TIAM1: variants seen among roughly 807,000 people sequenced by gnomAD.
The protein encoded by TIAM1 is rho guanine nucleotide exchange factor TIAM1.
In TIAM1, 65 loss-of-function variants were observed where a neutral mutation model predicts 163.5. The ratio of observed to expected loss-of-function variants is 0.40; its 90% CI spans 0.33 to 0.49. The LOEUF (loss-of-function observed/expected upper bound fraction) is 0.49, where lower values mean the gene tolerates loss of function less well. TIAM1 is among the 20% of genes least tolerant of loss of function. The probability of loss-of-function intolerance (pLI) is 0.77; values close to 1 mark genes in which losing one functional copy is unlikely to be tolerated. For synonymous variants in TIAM1, 833 were observed against 810.1 expected (o/e 1.03, Z -0.48); for missense variants, 1,789 against 2,044.7 (o/e 0.87, Z 2.41).
chr21:31,514,326 C>T (rs958412883), intron 1 of TIAM1, among the ~76,000 whole-genome samples: 1 of 152,024 alleles, frequency 6.6e-6, no homozygotes, highest in South Asian at 2.1e-4. Flanking sequence ...GTTCTTCCTT[C>T]TAGGGTTCTA....
At chr21:31,171,049 A>C (rs905330461) in intron 15 of TIAM1, among the ~76,000 whole-genome samples, 10 of 151,146 alleles carry the variant, frequency 6.6e-5, no homozygotes, top group Admixed American at 1.3e-4. Context: ...AAAAAAAAAA[A>C]AAAAAAAAAA....
At chr21:31,307,008 G>A (rs564991511) in intron 2 of TIAM1, among the ~76,000 whole-genome samples, 2 of 151,412 alleles carry the variant, frequency 1.3e-5, no homozygotes, top group Non-Finnish European at 2.9e-5. Context: ...TCTTCATACT[G>A]CATTGCATCG....
chr21:31,230,060 G>A (rs2088324508), intron 6 of TIAM1, among the ~76,000 whole-genome samples: 1 of 152,170 alleles, frequency 6.6e-6, no homozygotes, highest in Non-Finnish European at 1.5e-5. Context: ...ACACCTGGCA[G>A]GTGGAAGCTC....
chr21:31,220,793 C>T (rs1220532193), intron 8 of TIAM1, among the ~76,000 whole-genome samples: 1 of 152,204 alleles, frequency 6.6e-6, no homozygotes, highest in Non-Finnish European at 1.5e-5. Flanking sequence ...TCAAGAGTTT[C>T]CCAATGATCT....
intron 8 of TIAM1, among the ~76,000 whole-genome samples, chr21:31,219,702 G>A (rs1194552140): frequency 6.6e-6 from 1 of 152,048 alleles, no homozygotes; most frequent in Non-Finnish European, 1.5e-5. Context: ...GAGAGGTCTT[G>A]CATTTTGCAT....
rs1168944570 is a variant in TIAM1 at position 31,141,528 on chromosome 21, A to G, written c.3476-24T>C. The G allele has an allele frequency of 3.7e-6, 6 of 1,609,542 alleles. No homozygotes were observed. The highest frequency in any genetic ancestry group is 5.1e-6 in the Non-Finnish European group (6 of 1,178,006). ...GGCTGGCAGGGTTTAAACACAGGTCATGGGGGTGGAACGCCCACGTGACTC... is the reference window on the plus strand; with the variant it reads ...GGCTGGCAGGGTTTAAACACAGGTCGTGGGGGTGGAACGCCCACGTGACTC... On this transcript the variant is annotated intron_variant, in intron 20 of 27. Transcript: ENST00000541036. The surrounding 1 kb of genome is among the most constrained non-coding windows in gnomAD (Gnocchi z 4.7).
At chr21:31,475,140 C>T (rs1602372100) in intron 1 of TIAM1, among the ~76,000 whole-genome samples, 1 of 151,778 alleles carries the variant, frequency 6.6e-6, no homozygotes, top group South Asian at 2.1e-4. Context: ...CAGCATCGAC[C>T]TCCCCAGGTT....
Position 31,176,564 on chromosome 21 carries a change from G to A in TIAM1, c.2887+5857C>T, listed in dbSNP as rs190317887. ...CCTTATGCAGATCCTGGCTTTCTAA[G>A]CCAACGTGGCAACCCATTCAGCAGG... On this transcript the variant is annotated intron_variant, in intron 15 of 27. Coordinates refer to ENST00000541036, the MANE Select transcript of TIAM1 (RefSeq NM_001353694.2). 1.2e-3 allele frequency among the ~76,000 whole-genome samples: 183 copies of A among 152,246 alleles called. 1 individual carries two copies. The highest frequency in any genetic ancestry group is 2.0e-3 in the Non-Finnish European group (137 of 68,006).
intron 3 of TIAM1, among the ~76,000 whole-genome samples, chr21:31,273,611 C>CT (rs1219244868): frequency 2.0e-5 from 3 of 152,128 alleles, no homozygotes; most frequent in African/African-American, 7.2e-5. Flanking sequence ...TGACTGCCTG[C>CT]AAAATAACAA....
intron 9 of TIAM1, among the ~76,000 whole-genome samples, chr21:31,214,900 T>C (rs576943007): frequency 6.6e-6 from 1 of 152,104 alleles, no homozygotes; most frequent in Non-Finnish European, 1.5e-5. Context: ...GTGCTAGGAT[T>C]ACAGGCATGA....
intron 4 of TIAM1, among the ~76,000 whole-genome samples, chr21:31,259,862 G>T (rs1304337649): frequency 2.0e-5 from 3 of 151,898 alleles, no homozygotes; most frequent in African/African-American, 7.2e-5. Flanking sequence ...AGTGTCTTCT[G>T]TTAAGCTAGA....
rs2072385536 is a variant in TIAM1, at chr21:31,260,266, C to G, written c.963+5744G>C. ...TACTTTTTTTTTTTTGAGACGGAGTCTCACTCTGTCGCCCAGGCTGGAATG... is the reference window on the plus strand; with the variant it reads ...TACTTTTTTTTTTTTGAGACGGAGTGTCACTCTGTCGCCCAGGCTGGAATG... On this transcript the variant is annotated intron_variant, in intron 4 of 27. Transcript: ENST00000541036. Among the ~76,000 whole-genome samples, 4 of 145,852 alleles carry G rather than the reference C, an allele frequency of 2.7e-5. No homozygotes were observed. The South Asian group carries it at 8.6e-4, about 31-fold the overall frequency.
At chr21:31,224,161 T>C (rs1329801833) in intron 7 of TIAM1, among the ~76,000 whole-genome samples, 3 of 152,122 alleles carry the variant, frequency 2.0e-5, no homozygotes, top group African/African-American at 7.2e-5. Context: ...CTTAGGCTGT[T>C]GGGATGTTTG....
chr21:31,304,855 G>A (rs1404420141), intron 2 of TIAM1, among the ~76,000 whole-genome samples: 1 of 152,090 alleles, frequency 6.6e-6, no homozygotes, highest in Non-Finnish European at 1.5e-5. Context: ...ACCATGCCCG[G>A]CTAGTTTTTG....
chr21:31,530,482 G>A (rs970204505), intron 1 of TIAM1, among the ~76,000 whole-genome samples: 11 of 152,210 alleles, frequency 7.2e-5, no homozygotes, highest in Admixed American at 6.5e-4. Flanking sequence ...TTTTCAGTCT[G>A]GCAAATGGAA....
intron 13 of TIAM1, among the ~76,000 whole-genome samples, chr21:31,189,157 C>T (rs958593814): frequency 3.0e-5 from 4 of 134,498 alleles, no homozygotes; most frequent in African/African-American, 5.5e-5. Flanking sequence ...CAGGTTAAAG[C>T]GATTCTCCTA....
intron 2 of TIAM1, among the ~76,000 whole-genome samples, chr21:31,425,678 T>C (rs368651364): frequency 7.7e-6 from 1 of 129,968 alleles, no homozygotes; most frequent in East Asian, 2.9e-4. Context: ...TCTTTCTTTC[T>C]CTCTCTCTCT....
Position 31,416,996 on chromosome 21 carries a change from G to A in TIAM1, c.-369+46987C>T, listed in dbSNP as rs534457625. 6.6e-5 allele frequency among the ~76,000 whole-genome samples: 10 copies of A among 152,284 alleles called. 1 individual carries two copies. The East Asian group carries it at 1.9e-3, about 29-fold the overall frequency. On this transcript the variant is annotated intron_variant, in intron 2 of 28. Coordinates refer to the TIAM1 transcript ENST00000286827. ...CTGATAAAGACATATCCAAGATTCA[G>A]TAATTATTTTATTTTATTGTATTTC...
At chr21:31,325,740 G>A (rs1044967115) in intron 2 of TIAM1, among the ~76,000 whole-genome samples, 1 of 151,898 alleles carries the variant, frequency 6.6e-6, no homozygotes, top group Non-Finnish European at 1.5e-5. Flanking sequence ...ATGTATCTGG[G>A]GAAATATAGA....
Sources: allele counts gnomAD v4.1 joint callset (sites outside exome capture counted in the v4.1 genomes callset), GRCh38; gene constraint gnomAD v4.1.1; non-coding constraint Gnocchi (gnomAD v3.1); transcripts MANE v1.5; gene names NCBI Gene and HGNC (gene_info 2026-07-23, HGNC 2026-07-21).